Variants in CDH18 observed in about 807,000 individuals in gnomAD.
CDH18 encodes cadherin-18.
Under a neutral mutation model 67.9 loss-of-function variants are expected in CDH18, and 31 were observed. The observed-to-expected ratio is 0.46, with a 90% CI of 0.34 to 0.62. The LOEUF is 0.62. CDH18 is among the 20% of genes least tolerant of loss of function. CDH18 has a pLI of 0.01. For missense variants in CDH18, 890 were observed against 975.5 expected, an observed-to-expected ratio of 0.91 and a Z score of 1.17; for synonymous variants, 362 against 347.2, an observed-to-expected ratio of 1.04 and a Z score of -0.48.
chr5:20,555,402 G>GCTTTT, intron 1 of CDH18, among the ~76,000 whole-genome samples: 1 of 78,136 alleles, frequency 1.3e-5, no homozygotes, highest in Non-Finnish European at 2.6e-5. Context: ...ACCAAGACAA[G>GCTTTT]CTTTTCTTTT....
chr5:20,197,821 A>C (rs557229213), intron 2 of CDH18, among the ~76,000 whole-genome samples: 1 of 152,348 alleles, frequency 6.6e-6, no homozygotes, highest in African/African-American at 2.4e-5. Context: ...AATTACAGGC[A>C]TAAGTTCTGA....
chr5:20,046,425 G>T (rs551848850), intron 2 of CDH18, among the ~76,000 whole-genome samples: 1 of 151,806 alleles, frequency 6.6e-6, no homozygotes, highest in African/African-American at 2.4e-5. Flanking sequence ...AAGATGTTTG[G>T]TGCATATGGG....
intron 1 of CDH18, among the ~76,000 whole-genome samples, chr5:20,555,444 T>TTTTTTTC: frequency 1.7e-5 from 1 of 58,360 alleles, no homozygotes; most frequent in Non-Finnish European, 3.4e-5. Flanking sequence ...TTTTTTTTTT[T>TTTTTTTC]TTTTTTCTTT....
chr5:19,912,431 G>A (rs1791256260), intron 2 of CDH18, among the ~76,000 whole-genome samples: 1 of 152,118 alleles, frequency 6.6e-6, no homozygotes, highest in African/African-American at 2.4e-5. Context: ...TTGGAGCAAT[G>A]AGGCCAGATA....
At chr5:19,755,791 G>A (rs1771529030) in intron 3 of CDH18, among the ~76,000 whole-genome samples, 1 of 151,842 alleles carries the variant, frequency 6.6e-6, no homozygotes, top group South Asian at 2.1e-4. Context: ...AAGGGAGAAA[G>A]ATGTCGACTG....
intron 5 of CDH18, among the ~76,000 whole-genome samples, chr5:19,694,775 G>A (rs1310905526): frequency 1.1e-4 from 17 of 150,828 alleles, no homozygotes; most frequent in Non-Finnish European, 4.4e-5. Context: ...GTGATGATTT[G>A]TTGAATAAAT....
At chr5:20,412,146 T>C (rs1360611395) in intron 1 of CDH18, among the ~76,000 whole-genome samples, 1 of 152,112 alleles carries the variant, frequency 6.6e-6, no homozygotes, top group Non-Finnish European at 1.5e-5. Flanking sequence ...TACAATGTCA[T>C]AGTAACCAAA....
At chr5:19,891,669 G>C (rs1235636336) in intron 2 of CDH18, among the ~76,000 whole-genome samples, 1 of 151,994 alleles carries the variant, frequency 6.6e-6, no homozygotes, top group Non-Finnish European at 1.5e-5. Flanking sequence ...CCTCAGATTG[G>C]TGTGAGATCC....
At chr5:20,110,667 A>C (rs566583767) in intron 2 of CDH18, among the ~76,000 whole-genome samples, 2 of 152,180 alleles carry the variant, frequency 1.3e-5, no homozygotes, top group Non-Finnish European at 2.9e-5. Context: ...TCAAAAAAAA[A>C]CAAAAAACAA....
intron 3 of CDH18, among the ~76,000 whole-genome samples, chr5:19,810,314 G>C (rs1486021922): frequency 6.6e-6 from 1 of 152,050 alleles, no homozygotes; most frequent in Admixed American, 6.6e-5. Flanking sequence ...CTGGGTGACA[G>C]AGTGAGACTC....
Position 20,351,993 on chromosome 5 carries a change from G to A in CDH18, c.-579-96488C>T, listed in dbSNP as rs150347989. The stretch of plus-strand genomic sequence containing the variant: ...TATCCAGCTAAAGCTCAGTAGTTTA[G>A]GTTAACCAGGTAACCTAAACTCAAA... On this transcript the variant is annotated intron_variant, in intron 1 of 14. Transcript: ENST00000507958. Among the ~76,000 whole-genome samples the A allele has an allele frequency of 1.3e-3, 197 of 152,178 alleles. 1 individual carries two copies. Among genetic ancestry groups the A allele is most frequent in the African/African-American group, 4.5e-3 (185 of 41,530 alleles).
chr5:19,879,475 T>C (rs1787385594), intron 2 of CDH18, among the ~76,000 whole-genome samples: 1 of 152,044 alleles, frequency 6.6e-6, no homozygotes, highest in Non-Finnish European at 1.5e-5. Flanking sequence ...CTGATATCTA[T>C]TACTTGTATG....
At chr5:19,875,968 T>C (rs1024261947) in intron 2 of CDH18, among the ~76,000 whole-genome samples, 3 of 152,124 alleles carry the variant, frequency 2.0e-5, no homozygotes, top group East Asian at 1.9e-4. Flanking sequence ...TTCCCTAATA[T>C]AGAGGTTTTT....
Position 20,294,685 on chromosome 5 carries a change from G to A in CDH18, c.-579-39180C>T, listed in dbSNP as rs114143550. On this transcript the variant is annotated intron_variant, in intron 1 of 14. Transcript: ENST00000507958. ...TTCCCAAGGTTCCTAATCTTACCTT[G>A]TCTTAAGGTTTTCTACAGTACATAC... 8.6e-3 allele frequency among the ~76,000 whole-genome samples: 1,315 copies of A among 152,194 alleles called. 10 individuals are homozygous for A. Among genetic ancestry groups the A allele is most frequent in the Non-Finnish European group, 0.013 (910 of 68,004 alleles).
In CDH18 at chr5:20,344,373, C is replaced by T. The variant is rs980682656; in HGVS notation, c.-579-88868G>A. ...GGAAGACTGACAGTCAGATTTCACC[C>T]CTATGCCAAAGATAAGGGGCATCCA... is the stretch of plus-strand genomic sequence containing the variant. On this transcript the variant is annotated intron_variant, in intron 1 of 14. Coordinates refer to the CDH18 transcript ENST00000507958. Among the ~76,000 whole-genome samples, 9 of 152,198 alleles carry T rather than the reference C, an allele frequency of 5.9e-5. 1 individual carries two copies. The highest frequency in any genetic ancestry group is 2.2e-4 in the African/African-American group (9 of 41,536).
chr5:19,926,243 A>C (rs1272942985), intron 2 of CDH18, among the ~76,000 whole-genome samples: 1 of 152,186 alleles, frequency 6.6e-6, no homozygotes, highest in Non-Finnish European at 1.5e-5. Flanking sequence ...GGCTTAATAA[A>C]TCAGTGATTT....
intron 2 of CDH18, among the ~76,000 whole-genome samples, chr5:20,221,836 C>G (rs1370300393): frequency 1.3e-5 from 2 of 151,962 alleles, no homozygotes; most frequent in Non-Finnish European, 2.9e-5. Flanking sequence ...TCATCATAAC[C>G]TTTTCCAGGA....
intron 1 of CDH18, among the ~76,000 whole-genome samples, chr5:20,509,868 T>A (rs1194095240): frequency 6.6e-6 from 1 of 152,222 alleles, no homozygotes; most frequent in Non-Finnish European, 1.5e-5. Context: ...TGCATCTGTG[T>A]CTTTGGCATA....
At chr5:20,501,569 A>AATATATATATATTATATATATATT (rs1754300816) in intron 1 of CDH18, among the ~76,000 whole-genome samples, 35 of 16,170 alleles carry the variant, frequency 2.2e-3, no homozygotes, top group Non-Finnish European at 4.9e-3. Flanking sequence ...ATATATATAT[A>AATATATATATATTATATATATATT]ATATATATAT....
Sources: allele counts gnomAD v4.1 joint callset (sites outside exome capture counted in the v4.1 genomes callset), GRCh38; gene constraint gnomAD v4.1.1; transcripts MANE v1.5; gene names NCBI Gene and HGNC (gene_info 2026-07-23, HGNC 2026-07-21).